Variants in FRMD5 observed in about 807,000 individuals in gnomAD.
FRMD5 encodes the protein FERM domain-containing protein 5.
A neutral mutation model predicts 69.0 loss-of-function variants in FRMD5; 20 were observed. That is an observed-to-expected ratio of 0.29 (90% CI 0.20 to 0.42). FRMD5 has a LOEUF of 0.42. Among genes scored for constraint, FRMD5 ranks in the 10% least tolerant of loss-of-function variants. The pLI is 1.00. For synonymous variants in FRMD5, 271 were observed against 260.1 expected, an observed-to-expected ratio of 1.04 and a Z score of -0.40; for missense variants, 595 against 708.6, an observed-to-expected ratio of 0.84 and a Z score of 1.82.
rs5812260 is a variant in FRMD5 at position 44,010,400 on chromosome 15, CTTTTTTTT to C, written c.103-86099_103-86092del. ...TCTCTTCTCAATCTTTTTTCCTTTT[CTTTTTTTT>C]TTTTTTTTAGACAGAGTCTTGCTCT... On this transcript the variant is annotated intron_variant, in intron 1 of 13. Coordinates refer to ENST00000417257, the MANE Select transcript of FRMD5 (RefSeq NM_032892.5). 4.3e-5 allele frequency among the ~76,000 whole-genome samples: 6 copies of C among 139,946 alleles called. No homozygotes were observed. In the South Asian group the frequency reaches 1.1e-3, roughly 26 times the overall value. The allele number at this position is 139,946 out of a possible 152,430, so 91.8% of individuals were successfully genotyped here. A position where few individuals can be genotyped will look rare whatever the true frequency, so the allele number is the denominator to read the frequency against.
chr15:44,093,111 T>C (rs903800126), intron 1 of FRMD5, among the ~76,000 whole-genome samples: 2 of 152,038 alleles, frequency 1.3e-5, no homozygotes, highest in Admixed American at 6.6e-5. Flanking sequence ...TTTGTATTTT[T>C]AGTAGAGACG....
chr15:44,089,161 T>C (rs151092871), intron 1 of FRMD5, among the ~76,000 whole-genome samples: 221 of 152,324 alleles, frequency 1.5e-3, no homozygotes, highest in Non-Finnish European at 2.3e-3. Context: ...ACTCTGTGTC[T>C]CCAGATCTAT....
intron 1 of FRMD5, among the ~76,000 whole-genome samples, chr15:44,105,542 T>A (rs1003202565): frequency 6.6e-6 from 1 of 152,190 alleles, no homozygotes; most frequent in Non-Finnish European, 1.5e-5. Flanking sequence ...GTGCTAGTTG[T>A]AGGAAACCAT....
intron 1 of FRMD5, among the ~76,000 whole-genome samples, chr15:44,105,482 G>C (rs554212552): frequency 1.1e-4 from 16 of 152,078 alleles, no homozygotes; most frequent in Non-Finnish European, 2.4e-4. Flanking sequence ...TACTGATCTT[G>C]AACTTCCCAG....
At chr15:44,017,154 C>T (rs1050285692) in intron 1 of FRMD5, among the ~76,000 whole-genome samples, 3 of 151,802 alleles carry the variant, frequency 2.0e-5, no homozygotes, top group African/African-American at 2.4e-5. Flanking sequence ...CTGGCTAACA[C>T]GGTGAAACCC....
chr15:43,888,051 C>T, intron 10 of FRMD5, 124 bp downstream of exon 10: 1 of 665,758 alleles, frequency 1.5e-6, no homozygotes, highest in Non-Finnish European at 2.6e-6. Context: ...TTCTCAGTAA[C>T]TGTCAAGCTC....
intron 13 of FRMD5, among the ~76,000 whole-genome samples, chr15:43,882,411 T>C (rs1189970989): frequency 6.6e-6 from 1 of 152,012 alleles, no homozygotes; most frequent in Non-Finnish European, 1.5e-5. Flanking sequence ...CAGGCTGGAG[T>C]GCAGTGGCAC....
intron 1 of FRMD5, among the ~76,000 whole-genome samples, chr15:43,928,985 T>TA (rs2089631583): frequency 6.6e-6 from 1 of 152,238 alleles, no homozygotes; most frequent in Non-Finnish European, 1.5e-5. Flanking sequence ...AGCACTCGTT[T>TA]AAAAAATAAA....
intron 2 of FRMD5, among the ~76,000 whole-genome samples, chr15:43,923,539 C>T (rs1001609630): frequency 6.6e-6 from 1 of 152,112 alleles, no homozygotes; most frequent in African/African-American, 2.4e-5. Context: ...TAGGTGAAGG[C>T]TCTGTAAAGA....
chr15:44,032,111 C>T (rs886331721), intron 1 of FRMD5, among the ~76,000 whole-genome samples: 3 of 152,104 alleles, frequency 2.0e-5, no homozygotes, highest in African/African-American at 7.2e-5. Context: ...AAAAAGACTC[C>T]CTATTCAATA....
chr15:43,900,859 C>T (rs187377170), intron 7 of FRMD5, among the ~76,000 whole-genome samples: 4 of 152,126 alleles, frequency 2.6e-5, no homozygotes, highest in South Asian at 2.1e-4. Context: ...CCTTGTGATC[C>T]GCCCACCTTG....
chr15:43,954,513 C>A (rs957806286), intron 1 of FRMD5, among the ~76,000 whole-genome samples: 2 of 152,200 alleles, frequency 1.3e-5, no homozygotes, highest in African/African-American at 2.4e-5. Context: ...TAGTGAAGGG[C>A]AGGCATAAAG....
intron 7 of FRMD5, among the ~76,000 whole-genome samples, chr15:43,893,286 T>C (rs1487761945): frequency 6.6e-6 from 1 of 151,734 alleles, no homozygotes; most frequent in Non-Finnish European, 1.5e-5. Context: ...ACTGGCAAAA[T>C]AGAACAGTTG....
chr15:43,875,804 G>GTTTTTTTTGTT, intron 13 of FRMD5: 1 of 208,380 alleles, frequency 4.8e-6, no homozygotes, highest in African/African-American at 4.9e-5. Flanking sequence ...CCTGGGCCTA[G>GTTTTTTTTGTT]TTTTTTTTTT....
intron 1 of FRMD5, chr15:43,989,443 T>C (rs1260248053): frequency 5.0e-6 from 4 of 794,668 alleles, no homozygotes; most frequent in Non-Finnish European, 9.2e-6. Flanking sequence ...CCGATGATGA[T>C]GACCTGGCCG....
intron 1 of FRMD5, among the ~76,000 whole-genome samples, chr15:44,015,642 T>C (rs1890923548): frequency 6.6e-6 from 1 of 152,188 alleles, no homozygotes; most frequent in African/African-American, 2.4e-5. Flanking sequence ...TTTGGACCCT[T>C]AGTACAGAAA....
rs138773521 is a variant in FRMD5 at position 44,188,527 on chromosome 15, C to T, written c.102+6426G>A. Among the ~76,000 whole-genome samples, 29 of 152,338 alleles carry T rather than the reference C, an allele frequency of 1.9e-4. No individual in the cohort carries two copies. In the East Asian group the frequency reaches 5.0e-3, roughly 26 times the overall value. On this transcript the variant is annotated intron_variant, in intron 1 of 13. Coordinates refer to ENST00000417257, the MANE Select transcript of FRMD5 (RefSeq NM_032892.5). ...AAGACTTGTTAAACAGACTGCTGAA[C>T]TCCATCCCCGGAGTTTTTGATTCAC... is the stretch of plus-strand genomic sequence containing the variant.
chr15:44,165,227 T>C (rs550560424), intron 1 of FRMD5, among the ~76,000 whole-genome samples: 8 of 152,220 alleles, frequency 5.3e-5, no homozygotes. Context: ...GAGACCAGCC[T>C]GGCCAACATG....
intron 1 of FRMD5, among the ~76,000 whole-genome samples, chr15:43,941,142 G>A (rs780823871): frequency 5.3e-5 from 8 of 152,182 alleles, no homozygotes; most frequent in East Asian, 1.9e-4. Flanking sequence ...GCCAAGAAGC[G>A]GATTGCTTGA....
Sources: gnomAD v4.1 joint callset for allele counts (sites outside exome capture counted in the v4.1 genomes callset) on GRCh38, gnomAD v4.1.1 for gene constraint, MANE v1.5 for transcripts, NCBI Gene and HGNC (gene_info 2026-07-23, HGNC 2026-07-21) for gene names.